Variants in GP6 observed in about 807,000 individuals in gnomAD.
GP6 encodes platelet glycoprotein VI.
Under a neutral mutation model 37.3 loss-of-function variants are expected in GP6, and 45 were observed. That is an observed-to-expected ratio of 1.21 (90% CI 0.95 to 1.55). The LOEUF (loss-of-function observed/expected upper bound fraction) is 1.55, where lower values mean the gene tolerates loss of function less well. Ranked by LOEUF, GP6 falls within the 40% of genes most tolerant of loss-of-function variation. The pLI, the probability that GP6 is intolerant of heterozygous loss-of-function variation, is 0.00. For synonymous variants in GP6, 340 were observed against 316.4 expected (o/e 1.07, Z -0.79); for missense variants, 813 against 760.2 (o/e 1.07, Z -0.82).
rs202067652 is a variant in GP6 at position 55,024,276 on chromosome 19, GCA to G, written c.664+940_664+941del. On this transcript the variant is annotated intron_variant, in intron 5 of 7. Coordinates refer to ENST00000310373, the MANE Select transcript of GP6 (RefSeq NM_001083899.2). ...AGCACACGCACACATATGCACGCAT[GCA>G]CACACACACATATGCACGCATGCAC... Among the ~76,000 whole-genome samples the G allele has an allele frequency of 3.8e-3, 105 of 27,540 alleles. 10 individuals carry two copies. In the South Asian group the frequency reaches 0.085, roughly 22 times the overall value. 18.1% of individuals were successfully genotyped at this position (27,540 alleles called of 152,430 possible). A position where few individuals can be genotyped will look rare whatever the true frequency, so the allele number is the denominator to read the frequency against.
intron 3 of GP6, among the ~76,000 whole-genome samples, chr19:55,029,901 G>A (rs1483661975): frequency 6.6e-6 from 1 of 151,968 alleles, no homozygotes; most frequent in Non-Finnish European, 1.5e-5. Context: ...GGGGAGTGAG[G>A]CAGGGAAGAG....
intron 4 of GP6, among the ~76,000 whole-genome samples, chr19:55,025,613 G>A (rs529228772): frequency 6.6e-6 from 1 of 152,268 alleles, no homozygotes; most frequent in African/African-American, 2.4e-5. Context: ...GGCTGAGGCA[G>A]GAGAATCACT....
chr19:55,021,054 A>G (rs1602557813), intron 5 of GP6, among the ~76,000 whole-genome samples: 1 of 55,492 alleles, frequency 1.8e-5, no homozygotes, highest in South Asian at 6.5e-4. Context: ...TCTGTTTAAA[A>G]AAAAAAAAAA....
At chr19:55,034,350 T>A (rs1422816560) in intron 1 of GP6, among the ~76,000 whole-genome samples, 1 of 151,420 alleles carries the variant, frequency 6.6e-6, no homozygotes, top group Non-Finnish European at 1.5e-5. Context: ...AGGTCAGGAG[T>A]TCAAGACCAG....
chr19:55,028,379 A>C (rs1469309994), intron 3 of GP6, among the ~76,000 whole-genome samples: 1 of 152,152 alleles, frequency 6.6e-6, no homozygotes, highest in African/African-American at 2.4e-5. Flanking sequence ...TGGAGTCCTC[A>C]CTCTTAATGT....
intron 1 of GP6, among the ~76,000 whole-genome samples, chr19:55,033,247 A>G (rs1296996226): frequency 1.3e-3 from 46 of 35,962 alleles, no homozygotes; most frequent in Admixed American, 1.9e-3. Context: ...GACACGGTGG[A>G]CTCGTTCGTG....
chr19:55,036,126 T>C lies in GP6; in HGVS notation c.34+2077A>G, dbSNP rs112056597. ...GCAACTTGGATGGAGCTGGAAGGCA[T>C]TATTCTAAGTAAAGTAATACAGGAG... is the stretch of plus-strand genomic sequence containing the variant. On this transcript the variant is annotated intron_variant, in intron 1 of 7. Coordinates refer to ENST00000310373, the MANE Select transcript of GP6 (RefSeq NM_001083899.2). Among the ~76,000 whole-genome samples the C allele has an allele frequency of 1.5e-3, 231 of 151,026 alleles. 1 individual carries two copies. The highest frequency in any genetic ancestry group is 5.4e-3 in the African/African-American group (221 of 41,072).
At chr19:55,015,398 C>T (rs2073835512) in intron 7 of GP6, among the ~76,000 whole-genome samples, 1 of 152,216 alleles carries the variant, frequency 6.6e-6, no homozygotes, top group Admixed American at 6.5e-5. Flanking sequence ...CAACTCCTCC[C>T]CAGACACAGA....
At chr19:55,015,491 C>A (rs935150614) in intron 7 of GP6, among the ~76,000 whole-genome samples, 192 bp downstream of exon 7, 1 of 152,146 alleles carries the variant, frequency 6.6e-6, no homozygotes, top group Non-Finnish European at 1.5e-5. Context: ...TTTCTCTGAC[C>A]CTTTTTAAAA....
chr19:55,024,327 T>TGCACGCACAC (rs1568613211), intron 5 of GP6, among the ~76,000 whole-genome samples: 64 of 30,182 alleles, frequency 2.1e-3, no homozygotes, highest in Non-Finnish European at 3.9e-3. Context: ...CACACACACA[T>TGCACGCACAC]ATGCACGCAC....
chr19:55,029,043 A>G (rs923053592), intron 3 of GP6, among the ~76,000 whole-genome samples: 2 of 150,090 alleles, frequency 1.3e-5, no homozygotes, highest in Admixed American at 6.6e-5. Context: ...AGGAAGATAA[A>G]AATATAAGCT....
rs759181602 is a variant in GP6, at chr19:55,014,623, G to A, written c.1322C>T (p.Pro441Leu). Residue 441 changes from proline (P) to leucine (L), a missense_variant, in exon 8 of 8, where the codon CCT becomes CTT. By Grantham distance (98) the Pro-to-Leu change is moderately conservative. Coordinates refer to ENST00000310373, the MANE Select transcript of GP6 (RefSeq NM_001083899.2). ...CCATATTAGAGAGGTTGAAGAAAGA[G>A]GCCAGTATGTGGTCCAGCCAGGGTA... 7.4e-6 allele frequency: 12 copies of A among 1,614,014 alleles called. No homozygotes were observed. The highest frequency in any genetic ancestry group is 4.4e-5 in the South Asian group (4 of 91,088).
intron 5 of GP6, among the ~76,000 whole-genome samples, chr19:55,024,304 A>ACACG (rs1568612804): frequency 2.6e-5 from 2 of 75,738 alleles, no homozygotes; most frequent in South Asian, 4.6e-4. Flanking sequence ...ACGCATGCAC[A>ACACG]CACATATGCA....
At chr19:55,024,200 C>T (rs757552453) in intron 5 of GP6, among the ~76,000 whole-genome samples, 10 of 150,302 alleles carry the variant, frequency 6.7e-5, no homozygotes, top group Admixed American at 6.1e-4. Flanking sequence ...TTGTAGACTT[C>T]CTGTGACTCT....
At chr19:55,032,649 A>C in intron 1 of GP6, 111 bp from the exon 2 acceptor site, 1 of 1,144,600 alleles carries the variant, frequency 8.7e-7, no homozygotes, top group Non-Finnish European at 1.3e-6. Flanking sequence ...CTGTCCTAAT[A>C]ATTTCTTCAA....
At position 55,033,757 on chromosome 19, in the gene GP6, C is replaced by T. The variant is rs114673505; in HGVS notation, c.35-1219G>A. ...TATTTTATTGTCTATGTAATATATG[C>T]GATAAAACCCCACACTAATGGGATG... is the stretch of plus-strand genomic sequence containing the variant. On this transcript the variant is annotated intron_variant, in intron 1 of 7. Coordinates refer to ENST00000310373, the MANE Select transcript of GP6 (RefSeq NM_001083899.2). 1.1e-4 allele frequency among the ~76,000 whole-genome samples: 16 copies of T among 152,116 alleles called. No individual in the cohort carries two copies. The South Asian group carries it at 1.5e-3, about 14-fold the overall frequency.
intron 1 of GP6, among the ~76,000 whole-genome samples, chr19:55,037,196 G>A (rs7257270): frequency 0.026 from 3,978 of 152,050 alleles, 160 homozygotes; most frequent in East Asian, 0.15. Flanking sequence ...TAATGCATTC[G>A]ACATGCCCAG....
At chr19:55,032,465 G>A in intron 2 of GP6, 41 bp downstream of exon 2, 2 of 1,613,560 alleles carry the variant, frequency 1.2e-6, no homozygotes, top group Non-Finnish European at 1.7e-6. Context: ...TCCCGCGCTG[G>A]CGGATCCCGC....
chr19:55,027,466 G>T, intron 4 of GP6, 112 bp downstream of exon 4: 2 of 781,468 alleles, frequency 2.6e-6, no homozygotes, highest in South Asian at 1.5e-5. Flanking sequence ...CGCCCCTGCA[G>T]CCCAGGGCTT....
Sources: gnomAD v4.1 joint callset for allele counts (sites outside exome capture counted in the v4.1 genomes callset) on GRCh38, gnomAD v4.1.1 for gene constraint, MANE v1.5 for transcripts, NCBI Gene and HGNC (gene_info 2026-07-23, HGNC 2026-07-21) for gene names.